The following FUT8 variants were observed in gnomAD, a reference collection of about 807,000 sequenced individuals.
FUT8 encodes the protein alpha-(1,6)-fucosyltransferase.
A neutral mutation model predicts 71.3 loss-of-function variants in FUT8; 29 were observed. The observed-to-expected ratio is 0.41, with a 90% confidence interval of 0.30 to 0.55. The LOEUF (loss-of-function observed/expected upper bound fraction) is 0.55. FUT8 is among the 20% of genes least tolerant of loss of function. The pLI is 0.34. For missense variants in FUT8, 544 were observed against 702.1 expected (o/e 0.77, Z 2.55); for synonymous variants, 254 against 239.3 (o/e 1.06, Z -0.57).
At chr14:65,713,916 A>G (rs1566911271) in intron 7 of FUT8, among the ~76,000 whole-genome samples, 1 of 152,050 alleles carries the variant, frequency 6.6e-6, no homozygotes, top group Non-Finnish European at 1.5e-5. Context: ...GCCTGTGTTT[A>G]TGTGGTATTA....
chr14:65,489,730 T>C lies in FUT8; in HGVS notation c.-228+34012T>C, dbSNP rs1054030695. On this transcript the variant is annotated intron_variant, in intron 2 of 10. Coordinates refer to ENST00000673929, the MANE Select transcript of FUT8 (RefSeq NM_001371533.1). The surrounding 1 kb of genome is among the most constrained non-coding windows in gnomAD (Gnocchi z 4.0). ...TTAGAAAATGTATTTGGAATTACATTAAAAAGGATTCTATGTTTTGTTTAT... is the reference window on the plus strand; with the variant it reads ...TTAGAAAATGTATTTGGAATTACATCAAAAAGGATTCTATGTTTTGTTTAT... Among the ~76,000 whole-genome samples, 1 of 152,120 alleles carries C rather than the reference T, an allele frequency of 6.6e-6. No homozygotes were observed. Among genetic ancestry groups the C allele is most frequent in the Non-Finnish European group, 1.5e-5 (1 of 67,982 alleles).
chr14:65,596,864 C>G (rs12889002), intron 3 of FUT8, among the ~76,000 whole-genome samples: 54,007 of 152,028 alleles, frequency 0.36, 11,924 homozygotes, highest in Non-Finnish European at 0.5. Flanking sequence ...CTTAAATTTT[C>G]TCTAGACTGT....
At chr14:65,495,811 G>GTA (rs1322092098) in intron 2 of FUT8, among the ~76,000 whole-genome samples, 1 of 152,130 alleles carries the variant, frequency 6.6e-6, no homozygotes, top group East Asian at 1.9e-4. Flanking sequence ...CTTGGTTCAA[G>GTA]TAGGGGTAAG....
At chr14:65,674,908 T>G (rs1892640153) in intron 7 of FUT8, among the ~76,000 whole-genome samples, 1 of 152,186 alleles carries the variant, frequency 6.6e-6, no homozygotes, top group African/African-American at 2.4e-5. Context: ...TTTACCTGAC[T>G]CCTTTTAGAA....
chr14:65,407,603 T>C (rs2065092866), upstream of FUT8, among the ~76,000 whole-genome samples: 1 of 152,212 alleles, frequency 6.6e-6, no homozygotes, highest in Admixed American at 6.5e-5. Context: ...TTGCTGGCTA[T>C]ATCCAATACG....
chr14:65,527,738 C>A (rs1311864087), intron 2 of FUT8, among the ~76,000 whole-genome samples: 1 of 152,150 alleles, frequency 6.6e-6, no homozygotes, highest in Non-Finnish European at 1.5e-5. Flanking sequence ...GAGTGGAAGT[C>A]ATTTCTGTTT....
At chr14:65,668,158 C>A (rs1259139793) in intron 6 of FUT8, among the ~76,000 whole-genome samples, 1 of 152,016 alleles carries the variant, frequency 6.6e-6, no homozygotes, top group South Asian at 2.1e-4. Context: ...TGGATATAGG[C>A]CCTGGCAAAG....
At chr14:65,595,245 G>A (rs1254244265) in intron 3 of FUT8, among the ~76,000 whole-genome samples, 1 of 152,072 alleles carries the variant, frequency 6.6e-6, no homozygotes. Context: ...AAAGTGTCTG[G>A]ATATGGTTAA....
chr14:65,394,864 G>A, the FUT8 span, among the ~76,000 whole-genome samples: 1 of 150,934 alleles, frequency 6.6e-6, no homozygotes, highest in Non-Finnish European at 1.5e-5. Flanking sequence ...TTCTGCCTCA[G>A]CCTCCTGAGT....
chr14:65,416,076 A>G (rs2065215354), intron 1 of FUT8, among the ~76,000 whole-genome samples: 1 of 152,202 alleles, frequency 6.6e-6, no homozygotes, highest in Admixed American at 6.5e-5. Flanking sequence ...TAAAGTAAAT[A>G]GATTCTTCCA....
chr14:65,372,866 C>T, the FUT8 span, among the ~76,000 whole-genome samples: 1 of 152,124 alleles, frequency 6.6e-6, no homozygotes, highest in Non-Finnish European at 1.5e-5. Context: ...TGCTTTTGGT[C>T]TCTCTTTCCG....
At chr14:65,590,901 A>G (rs936930129) in intron 3 of FUT8, among the ~76,000 whole-genome samples, 1 of 152,144 alleles carries the variant, frequency 6.6e-6, no homozygotes, top group African/African-American at 2.4e-5. Flanking sequence ...TACTTTGGGA[A>G]TTTTAGACAT....
intron 7 of FUT8, among the ~76,000 whole-genome samples, chr14:65,673,964 A>T (rs945572980): frequency 2.6e-5 from 4 of 152,164 alleles, no homozygotes; most frequent in Non-Finnish European, 5.9e-5. Context: ...CTTTCCTTTG[A>T]TACTAATATT....
At chr14:65,513,803 C>T (rs1336953705) in intron 2 of FUT8, among the ~76,000 whole-genome samples, 1 of 152,172 alleles carries the variant, frequency 6.6e-6, no homozygotes, top group African/African-American at 2.4e-5. Context: ...ACGTGCTTCA[C>T]CGAAGGGGAG....
At chr14:65,624,871 C>A (rs897623699) in intron 5 of FUT8, among the ~76,000 whole-genome samples, 3 of 152,154 alleles carry the variant, frequency 2.0e-5, no homozygotes, top group Non-Finnish European at 4.4e-5. Flanking sequence ...TCAAGACAAG[C>A]CTGACCAACA....
Position 65,742,414 on chromosome 14 carries a change from T to C in FUT8, c.*4T>C. On this transcript the variant is annotated 3_prime_UTR_variant, in exon 11 of 11. Coordinates refer to ENST00000673929, the MANE Select transcript of FUT8 (RefSeq NM_001371533.1). ...ATATCCTGAGGCTGAGAAATAAAGC[T>C]CAGATGGAAGAGATAAACGACCAAA... is the stretch of plus-strand genomic sequence containing the variant. 6.2e-7 allele frequency: 1 copy of C among 1,607,690 alleles called. No homozygotes were observed.
At chr14:65,617,336 A>G (rs1253141774) in intron 5 of FUT8, 18 of 957,630 alleles carry the variant, frequency 1.9e-5, no homozygotes, top group Non-Finnish European at 2.4e-5. Flanking sequence ...ATATGATAGC[A>G]TGGATTTCAA....
At chr14:65,511,516 T>C (rs1030500890) in intron 2 of FUT8, among the ~76,000 whole-genome samples, 2 of 152,216 alleles carry the variant, frequency 1.3e-5, no homozygotes, top group Non-Finnish European at 2.9e-5. Flanking sequence ...ATTATTGTAT[T>C]GGAGTCTTTC....
chr14:65,486,890 G>T (rs1319810046), intron 2 of FUT8, among the ~76,000 whole-genome samples: 1 of 152,076 alleles, frequency 6.6e-6, no homozygotes, highest in East Asian at 1.9e-4. Flanking sequence ...ACCAGAGAAA[G>T]CTTTACTTTT....
Sources: allele counts gnomAD v4.1 joint callset (sites outside exome capture counted in the v4.1 genomes callset), GRCh38; gene constraint gnomAD v4.1.1; non-coding constraint Gnocchi (gnomAD v3.1); transcripts MANE v1.5; gene names NCBI Gene and HGNC (gene_info 2026-07-23, HGNC 2026-07-21).